The following SNX27 variants were observed in gnomAD, a reference collection of about 807,000 sequenced individuals.
The protein encoded by SNX27 is sorting nexin-27.
In SNX27, 22 loss-of-function variants were observed where a neutral mutation model predicts 71.6. The observed-to-expected ratio is 0.31, with a 90% CI of 0.22 to 0.44. SNX27 has a LOEUF of 0.44. Ranked by LOEUF, SNX27 falls within the 20% of genes least tolerant of loss-of-function variation. The probability of loss-of-function intolerance (pLI) is 1.00; values close to 1 mark genes in which losing one functional copy is unlikely to be tolerated. For missense variants in SNX27, 531 were observed against 698.6 expected (o/e 0.76, Z 2.70); for synonymous variants, 269 against 277.2 (o/e 0.97, Z 0.29).
intron 1 of SNX27, among the ~76,000 whole-genome samples, chr1:151,628,694 T>C (rs184792435): frequency 6.6e-6 from 1 of 152,340 alleles, no homozygotes; most frequent in African/African-American, 2.4e-5. Context: ...AATAGGCGTG[T>C]AGTGGTATCT....
intron 1 of SNX27, among the ~76,000 whole-genome samples, chr1:151,633,565 C>T (rs1002165063): frequency 6.6e-6 from 1 of 151,986 alleles, no homozygotes; most frequent in Non-Finnish European, 1.5e-5. Context: ...TCCCACAGTG[C>T]TGGGATTACA....
At chr1:151,659,078 A>T (rs1669837298) in intron 3 of SNX27, among the ~76,000 whole-genome samples, 1 of 152,136 alleles carries the variant, frequency 6.6e-6, no homozygotes, top group Non-Finnish European at 1.5e-5. Context: ...TATTTAAGAC[A>T]TTTTCATTAA....
At chr1:151,680,063 C>A (rs1057319414) in intron 7 of SNX27, 5 of 150,734 alleles carry the variant, frequency 3.3e-5, no homozygotes, top group African/African-American at 1.2e-4. Context: ...TTATATACAT[C>A]TTTTACTTTA....
Position 151,612,102 on chromosome 1 carries a change from G to GC in SNX27, c.-99dup. 1 of 1,216,354 alleles carries GC rather than the reference G, an allele frequency of 8.2e-7. No homozygotes were observed. Among genetic ancestry groups the GC allele is most frequent in the South Asian group, 2.7e-5 (1 of 37,130 alleles). 75.3% of individuals were successfully genotyped at this position (1,216,354 alleles called of 1,614,324 possible). On this transcript the variant is annotated 5_prime_UTR_variant, in exon 1 of 12. Transcript: ENST00000458013. This position sits in a 1 kb window ranked among gnomAD's most constrained non-coding sequence, Gnocchi z 5.2. ...GTCGGTCCCGCGGCCGGCGGATCGGGCGCGCGCGTCGGGGGTCGTCCGGCT... is the reference window on the plus strand; with the variant it reads ...GTCGGTCCCGCGGCCGGCGGATCGGGCCGCGCGCGTCGGGGGTCGTCCGGCT...
intron 1 of SNX27, chr1:151,615,816 CAGAG>C: frequency 1.0e-6 from 1 of 984,932 alleles, no homozygotes; most frequent in Non-Finnish European, 1.2e-6. Flanking sequence ...TGTGAAAGAA[CAGAG>C]TAACTTTGAA....
chr1:151,678,794 A>T (rs911703918), intron 7 of SNX27: 2 of 152,112 alleles, frequency 1.3e-5, no homozygotes, highest in Non-Finnish European at 1.5e-5. Context: ...GCTCACTCCA[A>T]CCCGTGCCTC....
At chr1:151,635,137 G>C (rs934136037) in intron 1 of SNX27, among the ~76,000 whole-genome samples, 1 of 152,196 alleles carries the variant, frequency 6.6e-6, no homozygotes, top group Non-Finnish European at 1.5e-5. Flanking sequence ...GAAAAGGTTT[G>C]TATCATCAAG....
At chr1:151,625,152 T>A (rs1229275084) in intron 1 of SNX27, among the ~76,000 whole-genome samples, 1 of 152,222 alleles carries the variant, frequency 6.6e-6, no homozygotes, top group Admixed American at 6.5e-5. Flanking sequence ...AGGGGCAAAC[T>A]TTATTGTTAT....
At chr1:151,681,509 T>C (rs573195456) in intron 7 of SNX27, among the ~76,000 whole-genome samples, 1 of 152,202 alleles carries the variant, frequency 6.6e-6, no homozygotes, top group Admixed American at 6.5e-5. Flanking sequence ...CCCAAAGTGC[T>C]GAGATTACAG....
At chr1:151,656,836 TATA>T (rs1669718229) in intron 2 of SNX27, among the ~76,000 whole-genome samples, 1 of 152,172 alleles carries the variant, frequency 6.6e-6, no homozygotes, top group Non-Finnish European at 1.5e-5. Flanking sequence ...GAAACTATAG[TATA>T]ATATTAACTG....
chr1:151,640,888 A>G (rs1401638437), intron 2 of SNX27, among the ~76,000 whole-genome samples: 3 of 152,142 alleles, frequency 2.0e-5, no homozygotes, highest in African/African-American at 7.2e-5. Flanking sequence ...GCCCTTGTCA[A>G]CCACGGATCA....
chr1:151,648,537 A>C (rs1471289313), intron 2 of SNX27, among the ~76,000 whole-genome samples: 1 of 151,528 alleles, frequency 6.6e-6, no homozygotes, highest in African/African-American at 2.4e-5. Context: ...CTTCTGCCTC[A>C]GCCTCCCGAG....
intron 1 of SNX27, among the ~76,000 whole-genome samples, chr1:151,630,901 G>A (rs981334136): frequency 2.6e-5 from 4 of 152,064 alleles, no homozygotes; most frequent in Admixed American, 6.6e-5. Flanking sequence ...GTGTGGTGGC[G>A]GGCGCCTGTA....
rs1205564524 is a variant in SNX27 at position 151,612,316 on chromosome 1, G to C, written c.115G>C (p.Gly39Arg). Residue 39 changes from glycine (G) to arginine (R), a missense_variant, in exon 1 of 12, where the codon GGC (glycine) becomes CGC (arginine). By Grantham distance (125) the Gly-to-Arg change is moderately radical. Coordinates refer to ENST00000458013, the MANE Select transcript of SNX27 (RefSeq NM_001330723.2). This position sits in a 1 kb window ranked among gnomAD's most constrained non-coding sequence, Gnocchi z 5.2. Reference protein sequence around the residue: ...HCAGNGGGGGGGPRVVRIVKS... With the variant: ...HCAGNGGGGGRGPRVVRIVKS... ...CGCCGGGAACGGCGGCGGGGGAGGCGGCGGCCCGCGGGTCGTGCGCATCGT... is the reference window on the plus strand; with the variant it reads ...CGCCGGGAACGGCGGCGGGGGAGGCCGCGGCCCGCGGGTCGTGCGCATCGT... The C allele has an allele frequency of 6.6e-7, 1 of 1,522,262 alleles. No individual in the cohort carries two copies. Among genetic ancestry groups the C allele is most frequent in the Admixed American group, 2.2e-5 (1 of 45,158 alleles). The allele number at this position is 1,522,262 out of a possible 1,614,324, so 94.3% of individuals were successfully genotyped here.
chr1:151,682,278 T>C (rs1240078529), intron 7 of SNX27, among the ~76,000 whole-genome samples: 1 of 152,232 alleles, frequency 6.6e-6, no homozygotes, highest in Non-Finnish European at 1.5e-5. Context: ...ATAAAGACAC[T>C]ACCTGAGATT....
chr1:151,612,361 G>C lies in SNX27; in HGVS notation c.160G>C (p.Gly54Arg). 2 of 1,549,582 alleles carry C rather than the reference G, an allele frequency of 1.3e-6. No homozygotes were observed. Among genetic ancestry groups the C allele is most frequent in the Non-Finnish European group, 1.7e-6 (2 of 1,152,666 alleles). ...CATCGTCAAGTCCGAGTCCGGCTAC[G>C]GCTTCAACGTGCGGGGCCAAGTGAG... ...VRIVKSESGY[G>R]FNVRGQVSEG... The change falls in exon 1 of 12, where the codon GGC becomes CGC. Residue 54 changes from glycine (G) to arginine (R), a missense_variant. Coordinates refer to ENST00000458013, the MANE Select transcript of SNX27 (RefSeq NM_001330723.2). The surrounding 1 kb of genome is among the most constrained non-coding windows in gnomAD (Gnocchi z 5.2).
At chr1:151,615,889 TAA>T in intron 1 of SNX27, 1 of 893,734 alleles carries the variant, frequency 1.1e-6, no homozygotes, top group Non-Finnish European at 1.3e-6. Flanking sequence ...GTGTTTCTTT[TAA>T]AGTCGGCTTA....
chr1:151,683,253 G>A, intron 7 of SNX27, 103 bp from the exon 8 acceptor site: 2 of 851,070 alleles, frequency 2.3e-6, no homozygotes, highest in Admixed American at 4.9e-5. Flanking sequence ...GGTCCAAGTG[G>A]ATAAGAGATT....
At chr1:151,625,546 G>A (rs1055794289) in intron 1 of SNX27, among the ~76,000 whole-genome samples, 1 of 150,872 alleles carries the variant, frequency 6.6e-6, no homozygotes, top group Admixed American at 6.6e-5. Flanking sequence ...TGGTATAAAG[G>A]TTGAATCTGG....
Sources: gnomAD v4.1 joint callset for allele counts (sites outside exome capture counted in the v4.1 genomes callset) on GRCh38, gnomAD v4.1.1 for gene constraint, Gnocchi (gnomAD v3.1) non-coding constraint, MANE v1.5 for transcripts, NCBI Gene and HGNC (gene_info 2026-07-23, HGNC 2026-07-21) for gene names.